The following ZNF423 variants were observed in gnomAD, a reference collection of about 807,000 sequenced individuals.
ZNF423 encodes the protein Ebf-associated zinc finger protein.
Under a neutral mutation model 95.8 loss-of-function variants are expected in ZNF423, and 12 were observed. The observed-to-expected ratio is 0.13, with a 90% CI of 0.08 to 0.20. ZNF423 has a LOEUF of 0.20. Among genes scored for constraint, ZNF423 ranks in the 10% least tolerant of loss-of-function variants. The pLI is 1.00. For missense variants in ZNF423, 1,316 were observed against 1,737.1 expected, an observed-to-expected ratio of 0.76 and a Z score of 4.31; for synonymous variants, 749 against 711.9, an observed-to-expected ratio of 1.05 and a Z score of -0.83.
At chr16:49,811,264 G>A (rs1012635194) in intron 1 of ZNF423, among the ~76,000 whole-genome samples, 3 of 152,200 alleles carry the variant, frequency 2.0e-5, no homozygotes, top group Admixed American at 6.5e-5. Flanking sequence ...CTCCCGGCAT[G>A]GGAGGGGACC....
chr16:49,853,301 C>CCG (rs1555490674), intron 1 of ZNF423, among the ~76,000 whole-genome samples: 1 of 78,416 alleles, frequency 1.3e-5, no homozygotes, highest in Middle Eastern at 6.4e-3. Flanking sequence ...AGGGGCGGGG[C>CCG]GGGGGGGGAG....
intron 1 of ZNF423, among the ~76,000 whole-genome samples, chr16:49,792,191 GT>G (rs112653629): frequency 0.096 from 14,498 of 151,754 alleles, 754 homozygotes; most frequent in Middle Eastern, 0.15. Flanking sequence ...TCTGACCTCT[GT>G]GCACCCAGGT....
intron 5 of ZNF423, among the ~76,000 whole-genome samples, chr16:49,540,324 G>C (rs928461643): frequency 1.4e-4 from 22 of 152,220 alleles, no homozygotes; most frequent in African/African-American, 5.3e-4. Flanking sequence ...AGACAGGCTA[G>C]AGTGCAGTGG....
At chr16:49,843,195 C>T (rs1051227107) in intron 1 of ZNF423, among the ~76,000 whole-genome samples, 1 of 152,082 alleles carries the variant, frequency 6.6e-6, no homozygotes, top group African/African-American at 2.4e-5. Flanking sequence ...CAAACAAGAA[C>T]ACAAAGGTTA....
rs1453308787 is a variant in ZNF423 at position 49,523,743 on chromosome 16, G to C, written c.3734-4C>G. 6.2e-7 allele frequency: 1 copy of C among 1,612,008 alleles called. No individual in the cohort carries two copies. Among genetic ancestry groups the C allele is most frequent in the Non-Finnish European group, 8.5e-7 (1 of 1,179,768 alleles). On this transcript the variant is annotated splice_polypyrimidine_tract_variant and splice_region_variant and intron_variant, in intron 6 of 7. Coordinates refer to ENST00000563137, the MANE Select transcript of ZNF423 (RefSeq NM_001379286.1). ...AACTTGTTGGCCTGGACGAAGACTA[G>C]ACACAGACACGGCTGTCAGGGCCAA...
intron 5 of ZNF423, among the ~76,000 whole-genome samples, chr16:49,549,594 G>A (rs1408831503): frequency 6.6e-6 from 1 of 152,154 alleles, no homozygotes; most frequent in East Asian, 1.9e-4. Flanking sequence ...GTAGAAGGGT[G>A]CATCTACAGC....
At chr16:49,550,472 T>C (rs1467099255) in intron 5 of ZNF423, among the ~76,000 whole-genome samples, 1 of 152,278 alleles carries the variant, frequency 6.6e-6, no homozygotes, top group South Asian at 2.1e-4. Flanking sequence ...TCCCTCATTT[T>C]ACAGAAGGAA....
intron 2 of ZNF423, among the ~76,000 whole-genome samples, chr16:49,748,170 T>C (rs1247299077): frequency 6.6e-6 from 1 of 152,204 alleles, no homozygotes; most frequent in Non-Finnish European, 1.5e-5. Context: ...CCTAGAACAG[T>C]GCCTGGCACG....
intron 1 of ZNF423, among the ~76,000 whole-genome samples, chr16:49,797,499 C>T (rs928938685): frequency 7.2e-5 from 11 of 152,212 alleles, no homozygotes; most frequent in Non-Finnish European, 8.8e-5. Context: ...TGCAGACAAA[C>T]CCAACGAGGA....
Position 49,625,346 on chromosome 16 carries a change from C to T in ZNF423, c.3601+824G>A, listed in dbSNP as rs1179554311. Among the ~76,000 whole-genome samples the T allele has an allele frequency of 2.0e-5, 3 of 152,174 alleles. No individual in the cohort carries two copies. In the East Asian group the frequency reaches 5.8e-4, roughly 29 times the overall value. On this transcript the variant is annotated intron_variant, in intron 5 of 7. Transcript: ENST00000563137. ...CCAGCCTGGGTGACAGAGTGAGGCT[C>T]TGTCTAAAATAAAAAATTAACAAAA... is the stretch of plus-strand genomic sequence containing the variant.
chr16:49,618,766 A>G (rs540585825), intron 5 of ZNF423, among the ~76,000 whole-genome samples: 4 of 152,298 alleles, frequency 2.6e-5, no homozygotes, highest in African/African-American at 7.2e-5. Flanking sequence ...TTCCTCTGGC[A>G]TGGTATCATC....
chr16:49,731,123 G>GT (rs1179070659), intron 2 of ZNF423, 152 bp from the exon 3 acceptor site: 11 of 978,024 alleles, frequency 1.1e-5, no homozygotes, highest in African/African-American at 8.2e-5. Context: ...AATAGATGGG[G>GT]TTTTTTTGTA....
intron 2 of ZNF423, among the ~76,000 whole-genome samples, chr16:49,766,877 G>C (rs567734976): frequency 6.6e-6 from 1 of 152,330 alleles, no homozygotes; most frequent in Admixed American, 6.5e-5. Flanking sequence ...CAAGTACTAA[G>C]GTTAAAGTCC....
intron 5 of ZNF423, among the ~76,000 whole-genome samples, chr16:49,605,831 T>C (rs968137186): frequency 7.9e-5 from 12 of 152,116 alleles, no homozygotes; most frequent in African/African-American, 2.9e-4. Context: ...CAGAGGCCAA[T>C]AGACTGTGAA....
chr16:49,489,660 C>A lies in ZNF423; in HGVS notation c.*1615G>T, dbSNP rs916753351. 1.3e-5 allele frequency: 2 copies of A among 152,254 alleles called. No homozygotes were observed. The highest frequency in any genetic ancestry group is 2.9e-5 in the Non-Finnish European group (2 of 68,042). The allele number at this position is 152,254 out of a possible 1,614,324, so 9.4% of individuals were successfully genotyped here. A position where few individuals can be genotyped will look rare whatever the true frequency, so the allele number is the denominator to read the frequency against. ...ATGGGTATAATTGCTCCAAATTCCA[C>A]ACCCGTGACTTAGTATTACATTATA... is the stretch of plus-strand genomic sequence containing the variant. On this transcript the variant is annotated 3_prime_UTR_variant, in exon 8 of 8. Coordinates refer to ENST00000563137, the MANE Select transcript of ZNF423 (RefSeq NM_001379286.1).
intron 3 of ZNF423, among the ~76,000 whole-genome samples, chr16:49,688,312 C>T (rs749264558): frequency 6.6e-6 from 1 of 152,150 alleles, no homozygotes; most frequent in Non-Finnish European, 1.5e-5. Flanking sequence ...TCTAAAAATG[C>T]ATTACAAATA....
chr16:49,547,606 G>C (rs757591942), intron 5 of ZNF423, among the ~76,000 whole-genome samples: 3 of 152,216 alleles, frequency 2.0e-5, no homozygotes, highest in African/African-American at 7.2e-5. Flanking sequence ...AGTGGTGAGT[G>C]GGCCCTGGCG....
At chr16:49,691,875 C>A (rs2031795827) in intron 3 of ZNF423, among the ~76,000 whole-genome samples, 1 of 152,206 alleles carries the variant, frequency 6.6e-6, no homozygotes, top group South Asian at 2.1e-4. Context: ...CCTCCTCCTG[C>A]TGCTGAGGGA....
rs1315697423 is a variant in ZNF423, at chr16:49,636,241, G to T, written c.2935C>A (p.Leu979Met). The T allele has an allele frequency of 6.2e-7, 1 of 1,612,858 alleles. No individual in the cohort carries two copies. Among genetic ancestry groups the T allele is most frequent in the Non-Finnish European group, 8.5e-7 (1 of 1,180,000 alleles). ...CPICGERFPS[L>M]LTLTEHKVTH... ...ACCTTGTGTTCGGTGAGCGTCAGCA[G>T]CGAAGGGAAGCGCTCACCACAGATG... Residue 979 changes from leucine (L) to methionine (M), a missense_variant, in exon 4 of 8, where the codon CTG (leucine) becomes ATG (methionine). Leu to Met is a conservative substitution (Grantham distance 15). Coordinates refer to ENST00000563137, the MANE Select transcript of ZNF423 (RefSeq NM_001379286.1). This position sits in a 1 kb window ranked among gnomAD's most constrained non-coding sequence, Gnocchi z 8.6.
Sources: gnomAD v4.1 joint callset for allele counts (sites outside exome capture counted in the v4.1 genomes callset) on GRCh38, gnomAD v4.1.1 for gene constraint, Gnocchi (gnomAD v3.1) non-coding constraint, MANE v1.5 for transcripts, NCBI Gene and HGNC (gene_info 2026-07-23, HGNC 2026-07-21) for gene names.